The following FMN2 variants were observed in gnomAD, a reference collection of about 807,000 sequenced individuals.
The protein encoded by FMN2 is formin 2.
FMN2 carries 51 observed loss-of-function variants against 142.3 expected under a neutral mutation model. That is an observed-to-expected ratio of 0.36 (90% CI 0.29 to 0.45). The LOEUF (loss-of-function observed/expected upper bound fraction) is 0.45, where lower values mean the gene tolerates loss of function less well. FMN2 is among the 20% of genes least tolerant of loss of function. The pLI is 1.00. For missense variants in FMN2, 1,936 were observed against 2,122.8 expected, an observed-to-expected ratio of 0.91 and a Z score of 1.73; for synonymous variants, 882 against 869.8, an observed-to-expected ratio of 1.01 and a Z score of -0.25.
At chr1:240,132,464 G>A (rs1020449776) in intron 2 of FMN2, among the ~76,000 whole-genome samples, 3 of 152,184 alleles carry the variant, frequency 2.0e-5, no homozygotes, top group Non-Finnish European at 2.9e-5. Flanking sequence ...CTTCAGAGGT[G>A]GAGGTGTTCT....
intron 15 of FMN2, among the ~76,000 whole-genome samples, chr1:240,416,756 CTTCTTT>C (rs1170150913): frequency 1.2e-4 from 11 of 94,100 alleles, no homozygotes; most frequent in Non-Finnish European, 2.5e-4. Flanking sequence ...TTATCTCTCT[CTTCTTT>C]TTTTTTTTAA....
At chr1:240,214,954 T>C (rs1666838631) in intron 6 of FMN2, among the ~76,000 whole-genome samples, 1 of 152,004 alleles carries the variant, frequency 6.6e-6, no homozygotes, top group Admixed American at 6.6e-5. Flanking sequence ...TCATCCCAGC[T>C]ACTTGGGAAG....
chr1:240,408,449 T>C (rs1041465800), intron 15 of FMN2, among the ~76,000 whole-genome samples: 12 of 152,146 alleles, frequency 7.9e-5, no homozygotes, highest in African/African-American at 2.9e-4. Context: ...AAAGAGGACA[T>C]AATAAAGACA....
chr1:240,103,759 C>G (rs969285867), intron 1 of FMN2, among the ~76,000 whole-genome samples: 1 of 152,192 alleles, frequency 6.6e-6, no homozygotes, highest in South Asian at 2.1e-4. Context: ...GAGTAAATGA[C>G]TTAACATACA....
chr1:240,214,553 AAAAAAAAAAAAAAG>A (rs1286949358), intron 6 of FMN2, among the ~76,000 whole-genome samples: 1 of 70,542 alleles, frequency 1.4e-5, no homozygotes, highest in Non-Finnish European at 2.7e-5. Flanking sequence ...TCCATCTCAA[AAAAAAAAAAAAAAG>A]AAAAAGAAAA....
chr1:240,341,628 G>T (rs1290313360), intron 13 of FMN2, among the ~76,000 whole-genome samples: 1 of 152,196 alleles, frequency 6.6e-6, no homozygotes, highest in Non-Finnish European at 1.5e-5. Flanking sequence ...AATTGTGATA[G>T]AGACCTTCTA....
intron 7 of FMN2, among the ~76,000 whole-genome samples, chr1:240,280,888 T>A (rs1457433156): frequency 6.6e-6 from 1 of 151,936 alleles, no homozygotes; most frequent in Non-Finnish European, 1.5e-5. Flanking sequence ...TCAACAAACC[T>A]CTCCAAAAAC....
intron 2 of FMN2, among the ~76,000 whole-genome samples, chr1:240,139,272 CTG>C (rs1663079237): frequency 2.4e-5 from 1 of 42,468 alleles, no homozygotes; most frequent in East Asian, 3.8e-4. Flanking sequence ...GCAATTCACA[CTG>C]TGTGTAAAAT....
rs368976888 is a variant in FMN2, at chr1:240,137,817, G to A, written c.1782+14472G>A. ...CTTAACAAATGGTACTGTGGCCAGG[G>A]GCGGTAGCTCACACCTGTAATCCCA... On this transcript the variant is annotated intron_variant, in intron 2 of 17. Coordinates refer to ENST00000319653, the MANE Select transcript of FMN2 (RefSeq NM_020066.5). Among the ~76,000 whole-genome samples the A allele has an allele frequency of 8.4e-4, 128 of 152,062 alleles. 2 individuals carry two copies. In the South Asian group the frequency reaches 0.018, roughly 22 times the overall value.
chr1:240,151,967 A>G (rs1240806596), intron 2 of FMN2, among the ~76,000 whole-genome samples: 1 of 152,004 alleles, frequency 6.6e-6, no homozygotes, highest in Non-Finnish European at 1.5e-5. Context: ...GGGTTTTGCC[A>G]TGTTGCCCAG....
At chr1:240,381,221 A>G (rs572364906) in intron 14 of FMN2, among the ~76,000 whole-genome samples, 1 of 152,298 alleles carries the variant, frequency 6.6e-6, no homozygotes, top group East Asian at 1.9e-4. Flanking sequence ...ACAACAGAAA[A>G]CAAAACACAC....
intron 16 of FMN2, among the ~76,000 whole-genome samples, chr1:240,466,836 G>A (rs186066300): frequency 1.2e-4 from 18 of 152,262 alleles, no homozygotes; most frequent in Admixed American, 9.2e-4. Context: ...CTCTAGGTGC[G>A]ACTGTGAACA....
intron 8 of FMN2, among the ~76,000 whole-genome samples, chr1:240,326,907 C>G (rs776624623): frequency 6.6e-6 from 1 of 152,038 alleles, no homozygotes; most frequent in East Asian, 1.9e-4. Flanking sequence ...GTATTCTTAG[C>G]TTTAATGTTC....
chr1:240,189,879 C>CT (rs11297113), intron 4 of FMN2, among the ~76,000 whole-genome samples: 227 of 152,022 alleles, frequency 1.5e-3, no homozygotes, highest in East Asian at 7.4e-3. Flanking sequence ...CTTTTTAAGC[C>CT]TTTTTTTTGG....
intron 2 of FMN2, among the ~76,000 whole-genome samples, chr1:240,137,069 CAA>C (rs563163509): frequency 0.051 from 3,866 of 76,166 alleles, 50 homozygotes; most frequent in East Asian, 0.11. Flanking sequence ...AACTCCGTCT[CAA>C]AAAAAAAAAA....
chr1:240,144,026 A>G, intron 2 of FMN2: 2 of 1,140,554 alleles, frequency 1.8e-6, no homozygotes, highest in Non-Finnish European at 2.7e-6. Flanking sequence ...CCCAGAGTTC[A>G]CTATGCCACA....
At chr1:240,440,421 A>C (rs1202187393) in intron 16 of FMN2, among the ~76,000 whole-genome samples, 1 of 152,184 alleles carries the variant, frequency 6.6e-6, no homozygotes, top group Non-Finnish European at 1.5e-5. Flanking sequence ...GTTTGGTGGC[A>C]TTATGTGCAT....
At chr1:240,218,423 T>G (rs1666986881) in intron 6 of FMN2, among the ~76,000 whole-genome samples, 1 of 152,128 alleles carries the variant, frequency 6.6e-6, no homozygotes, top group African/African-American at 2.4e-5. Flanking sequence ...AAGTGCTCTT[T>G]GGAATGCCAG....
intron 16 of FMN2, among the ~76,000 whole-genome samples, chr1:240,445,041 A>C (rs1572322863): frequency 6.6e-6 from 1 of 152,344 alleles, no homozygotes; most frequent in Admixed American, 6.5e-5. Context: ...TGACCCATAA[A>C]GAAATCCTCT....
Sources: gnomAD v4.1 joint callset for allele counts (sites outside exome capture counted in the v4.1 genomes callset) on GRCh38, gnomAD v4.1.1 for gene constraint, MANE v1.5 for transcripts, NCBI Gene and HGNC (gene_info 2026-07-23, HGNC 2026-07-21) for gene names.